Variants in NOP2 observed in about 807,000 individuals in gnomAD.
NOP2 encodes NOP2 nucleolar protein.
In NOP2, 7 loss-of-function variants were observed where a neutral mutation model predicts 72.7. The observed-to-expected ratio is 0.10, with a 90% CI of 0.05 to 0.18. The LOEUF (loss-of-function observed/expected upper bound fraction) is 0.18. NOP2 is among the 10% of genes least tolerant of loss of function. NOP2 has a pLI of 1.00. For synonymous variants in NOP2, 387 were observed against 388.0 expected, an observed-to-expected ratio of 1.00 and a Z score of 0.03; for missense variants, 954 against 1,014.7, an observed-to-expected ratio of 0.94 and a Z score of 0.81.
At position 6,561,976 on chromosome 12, in the gene NOP2, A is replaced by C. The variant is rs1947663743; in HGVS notation, c.979-5T>G. 1 of 1,596,226 alleles carries C rather than the reference A, an allele frequency of 6.3e-7. No individual in the cohort carries two copies. Among genetic ancestry groups the C allele is most frequent in the Non-Finnish European group, 8.5e-7 (1 of 1,170,040 alleles). ...AACCCCACGATTGATTAGAGCCTGA[A>C]AAGGGATGAAGATTTTTTTTTTTTT... On this transcript the variant is annotated splice_polypyrimidine_tract_variant and splice_region_variant and intron_variant, in intron 9 of 15. Coordinates refer to ENST00000322166, the MANE Select transcript of NOP2 (RefSeq NM_001258308.2).
chr12:6,565,688 T>C (rs1186937113), intron 5 of NOP2, among the ~76,000 whole-genome samples: 1 of 151,660 alleles, frequency 6.6e-6, no homozygotes, highest in East Asian at 1.9e-4. Context: ...TTGCCCAAGC[T>C]GGTCTCCAAT....
rs1947652777 is a variant in NOP2 at position 6,561,647 on chromosome 12, GC to G, written c.1207+16del. On this transcript the variant is annotated intron_variant, in intron 11 of 15. Transcript: ENST00000322166. ...CAAGACAGCCCGATGAATCCCACCT[GC>G]CTGCCCCTCTCATACCCATGTAGCT... 2 of 1,611,360 alleles carry G rather than the reference GC, an allele frequency of 1.2e-6. No homozygotes were observed. Among genetic ancestry groups the G allele is most frequent in the Non-Finnish European group, 1.7e-6 (2 of 1,178,140 alleles).
rs767495838 is a variant in NOP2 at position 6,556,951 on chromosome 12, T to C, written c.*42A>G. On this transcript the variant is annotated 3_prime_UTR_variant, in exon 16 of 16. Transcript: ENST00000322166. ...CCTCACAGAGGCAAGAGTTCCAACC[T>C]GGTGACAATGGCAGTGAGCCACCCG... is the stretch of plus-strand genomic sequence containing the variant. 4 of 1,609,626 alleles carry C rather than the reference T, an allele frequency of 2.5e-6. No individual in the cohort carries two copies. The South Asian group carries it at 3.3e-5, about 13-fold the overall frequency.
rs1947489788 is a variant in NOP2 at position 6,556,932 on chromosome 12, A to G, written c.*61T>C. Reference sequence around the variant, plus strand: ...TGCACAGTAGAGAAGGCATCCTCACAGAGGCAAGAGTTCCAACCTGGTGAC... The same window carrying G: ...TGCACAGTAGAGAAGGCATCCTCACGGAGGCAAGAGTTCCAACCTGGTGAC... On this transcript the variant is annotated 3_prime_UTR_variant, in exon 16 of 16. Coordinates refer to ENST00000322166, the MANE Select transcript of NOP2 (RefSeq NM_001258308.2). 4 of 1,586,518 alleles carry G rather than the reference A, an allele frequency of 2.5e-6. No homozygotes were observed. Among genetic ancestry groups the G allele is most frequent in the South Asian group, 1.1e-5 (1 of 89,510 alleles).
intron 11 of NOP2, 56 bp from the exon 12 acceptor site, chr12:6,561,126 C>G (rs1239043303): frequency 1.3e-6 from 2 of 1,593,968 alleles, no homozygotes; most frequent in Non-Finnish European, 1.7e-6. Flanking sequence ...TCCACACTTG[C>G]TCCCACCCTC....
At chr12:6,566,675 G>T in intron 3 of NOP2, 58 bp from the exon 4 acceptor site, 1 of 1,587,868 alleles carries the variant, frequency 6.3e-7, no homozygotes, top group Non-Finnish European at 8.6e-7. Flanking sequence ...TCCAGGCTCT[G>T]CCATTTCCAC....
chr12:6,566,963 A>ACAGGG, intron 2 of NOP2, 141 bp from the exon 3 acceptor site: 1 of 714,836 alleles, frequency 1.4e-6, no homozygotes, highest in Non-Finnish European at 2.3e-6. Context: ...TTATTTAATA[A>ACAGGG]CTGTATACAA....
At chr12:6,565,799 C>G (rs1447615918) in intron 5 of NOP2, among the ~76,000 whole-genome samples, 1 of 152,150 alleles carries the variant, frequency 6.6e-6, no homozygotes, top group Non-Finnish European at 1.5e-5. Context: ...TTTCAAAGTT[C>G]TGAGATAACT....
intron 3 of NOP2, 34 bp downstream of exon 3, chr12:6,566,743 T>C: frequency 1.2e-6 from 2 of 1,609,362 alleles, no homozygotes; most frequent in Non-Finnish European, 1.7e-6. Flanking sequence ...GCAGTACCAA[T>C]TTAACCTACT....
chr12:6,567,782 G>A (rs1305374693), intron 2 of NOP2, 34 bp downstream of exon 2: 1 of 1,519,566 alleles, frequency 6.6e-7, no homozygotes, highest in Non-Finnish European at 9.1e-7. Flanking sequence ...TACTGCAAAA[G>A]CTGAGGGATC....
chr12:6,559,514 C>G (rs1229186366), intron 15 of NOP2, among the ~76,000 whole-genome samples: 1 of 152,140 alleles, frequency 6.6e-6, no homozygotes, highest in Non-Finnish European at 1.5e-5. Context: ...GCATGAGCCA[C>G]CACGCCCAGA....
intron 2 of NOP2, chr12:6,567,488 C>T (rs1172980591): frequency 1.2e-5 from 3 of 250,998 alleles, no homozygotes; most frequent in South Asian, 1.0e-4. Context: ...TTCACTACTT[C>T]CTCTTGCTAC....
At chr12:6,565,155 AT>A (rs34342403) in intron 5 of NOP2, among the ~76,000 whole-genome samples, 8,587 of 135,882 alleles carry the variant, frequency 0.063, 236 homozygotes, top group Non-Finnish European at 0.093. Context: ...GGAAGCAGTT[AT>A]TTTTTTTTTT....
At position 6,566,522 on chromosome 12, in the gene NOP2, C is replaced by T. The variant is rs756443455; in HGVS notation, c.238+7G>A. The T allele has an allele frequency of 6.2e-7, 1 of 1,613,598 alleles. No homozygotes were observed. The highest frequency in any genetic ancestry group is 8.5e-7 in the Non-Finnish European group (1 of 1,179,546). The stretch of plus-strand genomic sequence containing the variant: ...TCATGTAGCATCCAGCTCTTAGTTT[C>T]ACGGACCTTTTGGTAGCTTTCCAGG... On this transcript the variant is annotated splice_region_variant and intron_variant, in intron 4 of 15. Coordinates refer to ENST00000322166, the MANE Select transcript of NOP2 (RefSeq NM_001258308.2).
rs367717320 is a variant in NOP2 at position 6,567,915 on chromosome 12, C to A, written c.4G>T (p.Gly2Trp). M[G>W]RKLDPTKEKR... ...TCCTTCGTAGGGTCCAACTTGCGCC[C>A]CATGGTACTGTGGCAGGCAGAAATG... Residue 2 changes from glycine (G) to tryptophan (W), a missense_variant, in exon 2 of 16, where the codon GGG becomes TGG. This residue lies in a region of NOP2 where 498 missense variants were observed against 478.3 expected (regional missense o/e 1.04). Transcript: ENST00000322166. 2 of 1,613,434 alleles carry A rather than the reference C, an allele frequency of 1.2e-6. No homozygotes were observed. Among genetic ancestry groups the A allele is most frequent in the African/African-American group, 2.7e-5 (2 of 74,908 alleles).
intron 9 of NOP2, among the ~76,000 whole-genome samples, chr12:6,562,583 G>A (rs1004436896): frequency 1.3e-5 from 2 of 152,118 alleles, no homozygotes; most frequent in African/African-American, 4.8e-5. Context: ...CTAAGAGGCT[G>A]AGCCCCTCCA....
In NOP2 at chr12:6,557,496, A is replaced by C; in HGVS notation, c.1936T>G (p.Ser646Ala). ...LQKQQHPKKA[S>A]FQKLNGISKG... ...GAGATGCCATTCAGCTTCTGGAAGG[A>C]GGCCTTCTTGGGATGTTGCTGTTTC... Residue 646 changes from serine to alanine, a missense_variant, in exon 16 of 16, where the codon TCC (serine) becomes GCC (alanine). Physicochemically the swap from Ser to Ala is moderately conservative, Grantham distance 99. Around this residue, in one of 3 missense-constraint regions of NOP2, gnomAD observed 269 missense variants for 260.2 expected, o/e 1.03. Transcript: ENST00000322166. 3.7e-6 allele frequency: 6 copies of C among 1,613,860 alleles called. No individual in the cohort carries two copies. Among genetic ancestry groups the C allele is most frequent in the Non-Finnish European group, 5.1e-6 (6 of 1,179,876 alleles).
In NOP2 at chr12:6,566,332, G is replaced by C. The variant is rs367607600; in HGVS notation, c.243C>G (p.Ile81Met). The C allele has an allele frequency of 4.3e-5, 70 of 1,612,286 alleles. No individual in the cohort carries two copies. The highest frequency in any genetic ancestry group is 5.5e-5 in the Non-Finnish European group (65 of 1,179,152). ...CAGCTGTCTGGACAGCTCCTGCAGA[G>C]ATCCCTAAGGGTTTGAAGAGTCCTG... ...KPLPGKLPKG[I>M]SAGAVQTAGK... The change falls in exon 5 of 16, where the codon ATC (isoleucine) becomes ATG (methionine). Residue 81 changes from isoleucine (I) to methionine (M), a missense_variant. Ile to Met is a conservative substitution (Grantham distance 10, BLOSUM62 1). Transcript: ENST00000322166.
At chr12:6,566,736 G>A in intron 3 of NOP2, 41 bp downstream of exon 3, 1 of 1,602,034 alleles carries the variant, frequency 6.2e-7, no homozygotes, top group African/African-American at 1.3e-5. Context: ...AAGATGAGCA[G>A]TACCAATTTA....
Sources: allele counts gnomAD v4.1 joint callset (sites outside exome capture counted in the v4.1 genomes callset), GRCh38; gene constraint gnomAD v4.1.1; regional missense constraint gnomAD v4.1.1; transcripts MANE v1.5; gene names NCBI Gene and HGNC (gene_info 2026-07-23, HGNC 2026-07-21).